The following RBM47 variants were observed in gnomAD, a reference collection of about 807,000 sequenced individuals.
RBM47 encodes RNA-binding protein 47.
A neutral mutation model predicts 47.1 loss-of-function variants in RBM47; 21 were observed. The ratio of observed to expected loss-of-function variants is 0.45; its 90% CI spans 0.32 to 0.64. The LOEUF is 0.64. RBM47 is among the 30% of genes least tolerant of loss of function. The pLI is 0.05. For missense variants in RBM47, 708 were observed against 870.9 expected, an observed-to-expected ratio of 0.81 and a Z score of 2.35; for synonymous variants, 375 against 361.7, an observed-to-expected ratio of 1.04 and a Z score of -0.42.
Position 40,488,543 on chromosome 4 carries a change from G to A in RBM47, c.-154-21844C>T, listed in dbSNP as rs140747874. On this transcript the variant is annotated intron_variant, in intron 2 of 6. Coordinates refer to ENST00000295971, the MANE Select transcript of RBM47 (RefSeq NM_001098634.2). ...GGTGGATGATCAAATAAGCAAGGCCGGCAATTGGTCTGAGAAAAGAGCTCA... is the reference window on the plus strand; with the variant it reads ...GGTGGATGATCAAATAAGCAAGGCCAGCAATTGGTCTGAGAAAAGAGCTCA... 1.3e-3 allele frequency among the ~76,000 whole-genome samples: 196 copies of A among 152,188 alleles called. 1 individual carries two copies. Among genetic ancestry groups the A allele is most frequent in the African/African-American group, 4.1e-3 (172 of 41,516 alleles).
chr4:40,447,177 C>T (rs993757783), intron 3 of RBM47, among the ~76,000 whole-genome samples: 6 of 152,174 alleles, frequency 3.9e-5, no homozygotes, highest in African/African-American at 1.4e-4. Flanking sequence ...CTTCCCAACA[C>T]TAAAAATGCA....
At chr4:40,502,386 T>C (rs1046824507) in intron 2 of RBM47, among the ~76,000 whole-genome samples, 1 of 152,104 alleles carries the variant, frequency 6.6e-6, no homozygotes, top group African/African-American at 2.4e-5. Context: ...AAGTCAAGCA[T>C]GAAGGAGGAA....
chr4:40,600,504 G>T (rs1187051871), intron 1 of RBM47, among the ~76,000 whole-genome samples: 1 of 151,206 alleles, frequency 6.6e-6, no homozygotes, highest in Non-Finnish European at 1.5e-5. Flanking sequence ...TGTGGTGGCG[G>T]GCGCCTGTAG....
At chr4:40,458,385 C>A (rs1459467890) in intron 3 of RBM47, among the ~76,000 whole-genome samples, 1 of 152,108 alleles carries the variant, frequency 6.6e-6, no homozygotes, top group Admixed American at 6.6e-5. Context: ...AAAAACAGAT[C>A]CTGATTATGT....
chr4:40,518,099 A>G (rs1442839145), intron 2 of RBM47, among the ~76,000 whole-genome samples: 1 of 151,350 alleles, frequency 6.6e-6, no homozygotes, highest in Non-Finnish European at 1.5e-5. Flanking sequence ...TGAAGTCCAG[A>G]TAGCCAATAA....
chr4:40,460,564 A>T (rs1275577938), intron 3 of RBM47, among the ~76,000 whole-genome samples: 1 of 152,140 alleles, frequency 6.6e-6, no homozygotes, highest in East Asian at 1.9e-4. Flanking sequence ...AATCCCAGCT[A>T]CTTGGGAGGC....
intron 1 of RBM47, among the ~76,000 whole-genome samples, chr4:40,587,101 G>T (rs991791455): frequency 1.3e-5 from 2 of 152,148 alleles, no homozygotes; most frequent in Non-Finnish European, 2.9e-5. Context: ...CGTGAGGAGG[G>T]GTCCACCTGG....
At chr4:40,456,210 T>C (rs1424633374) in intron 3 of RBM47, among the ~76,000 whole-genome samples, 3 of 152,222 alleles carry the variant, frequency 2.0e-5, no homozygotes, top group Non-Finnish European at 2.9e-5. Flanking sequence ...GCCTGTTAAC[T>C]AATTATGGTG....
chr4:40,536,397 T>C (rs1727984566), intron 2 of RBM47, among the ~76,000 whole-genome samples: 1 of 152,194 alleles, frequency 6.6e-6, no homozygotes, highest in African/African-American at 2.4e-5. Context: ...CCCATGAAAT[T>C]TGCCTCAAGG....
At chr4:40,579,423 G>GCAAAAAAA (rs1553904315) in intron 1 of RBM47, among the ~76,000 whole-genome samples, 1 of 102,010 alleles carries the variant, frequency 9.8e-6, no homozygotes, top group African/African-American at 4.0e-5. Flanking sequence ...CCCTGTCTCA[G>GCAAAAAAA]AAAAAAAAAA....
chr4:40,516,303 C>T (rs1725575351), intron 2 of RBM47, among the ~76,000 whole-genome samples: 1 of 150,200 alleles, frequency 6.7e-6, no homozygotes, highest in Non-Finnish European at 1.5e-5. Flanking sequence ...CTCTGTCACC[C>T]AGGCTGGAGT....
intron 1 of RBM47, among the ~76,000 whole-genome samples, chr4:40,583,388 GAAAAAAAA>G (rs56371832): frequency 0.062 from 5,603 of 90,972 alleles, 308 homozygotes; most frequent in East Asian, 0.26. Context: ...CTCCATCTCA[GAAAAAAAA>G]AAAAAAAAAA....
intron 2 of RBM47, among the ~76,000 whole-genome samples, chr4:40,471,519 G>A (rs991458469): frequency 1.3e-5 from 2 of 152,022 alleles, no homozygotes; most frequent in African/African-American, 4.8e-5. Flanking sequence ...CCAACCTGGT[G>A]AAACCCCATC....
chr4:40,579,150 C>A (rs1033717135), intron 1 of RBM47, among the ~76,000 whole-genome samples: 1 of 148,026 alleles, frequency 6.8e-6, no homozygotes, highest in Non-Finnish European at 1.5e-5. Flanking sequence ...CAGCCAGGCA[C>A]GGTGGCTCAC....
Position 40,486,069 on chromosome 4 carries a change from CAAAA to C in RBM47, c.-154-19374_-154-19371del, listed in dbSNP as rs201408070. ...TGGACAACAGAGCAAAACCCTGTTT[CAAAA>C]AAAAAAAAAAAAAAAAAAAAAAAAG... On this transcript the variant is annotated intron_variant, in intron 2 of 6. Transcript: ENST00000295971. 6.5e-3 allele frequency among the ~76,000 whole-genome samples: 406 copies of C among 62,764 alleles called. 1 individual carries two copies. Among genetic ancestry groups the C allele is most frequent in the African/African-American group, 0.019 (383 of 20,142 alleles). The allele number at this position is 62,764 out of a possible 152,430, so 41.2% of individuals were successfully genotyped here.
intron 2 of RBM47, among the ~76,000 whole-genome samples, chr4:40,503,435 G>A (rs766173923): frequency 1.3e-5 from 2 of 152,182 alleles, no homozygotes; most frequent in Non-Finnish European, 2.9e-5. Flanking sequence ...AGCAATGCCA[G>A]TCCTGGACGT....
chr4:40,481,740 C>G (rs1236241467), intron 2 of RBM47, among the ~76,000 whole-genome samples: 1 of 152,084 alleles, frequency 6.6e-6, no homozygotes, highest in African/African-American at 2.4e-5. Context: ...TTGGTAGAGA[C>G]AGGGTTTTGC....
chr4:40,565,027 T>C (rs1730969828), intron 1 of RBM47, among the ~76,000 whole-genome samples: 1 of 152,154 alleles, frequency 6.6e-6, no homozygotes, highest in Admixed American at 6.6e-5. Flanking sequence ...GAGCAGGGCC[T>C]AAGGAAACAC....
intron 2 of RBM47, among the ~76,000 whole-genome samples, chr4:40,529,972 A>C (rs1440860385): frequency 9.3e-6 from 1 of 107,916 alleles, no homozygotes; most frequent in Non-Finnish European, 1.7e-5. Context: ...GTCTCACTCT[A>C]TCACCCAGGC....
Sources: gnomAD v4.1 joint callset for allele counts (sites outside exome capture counted in the v4.1 genomes callset) on GRCh38, gnomAD v4.1.1 for gene constraint, MANE v1.5 for transcripts, NCBI Gene and HGNC (gene_info 2026-07-23, HGNC 2026-07-21) for gene names.